CUL4B: variants seen among roughly 807,000 people sequenced by gnomAD.
CUL4B encodes cullin-4B.
CUL4B carries 1 observed loss-of-function variant against 69.2 expected under a neutral mutation model. The observed-to-expected ratio is 0.01, with a 90% confidence interval of 0.01 to 0.07. CUL4B has a LOEUF of 0.07. CUL4B is among the 10% of genes least tolerant of loss of function. CUL4B has a pLI of 1.00. For missense variants in CUL4B, 328 were observed against 638.8 expected (o/e 0.51, Z 5.24); for synonymous variants, 237 against 223.2 (o/e 1.06, Z -0.55).
At chrX:120,561,265 C>G (rs1318079531), upstream of CUL4B, 3 of 519,782 alleles carry the variant, frequency 5.8e-6, no homozygotes, top group Admixed American at 5.3e-5. Context: ...CTCCCGCTCC[C>G]CTTCGCGATC....
At chrX:120,561,051 G>A, upstream of CUL4B, 1 of 986,116 alleles carries the variant, frequency 1.0e-6, no homozygotes, top group Admixed American at 4.9e-5. Flanking sequence ...AAAGAACCAG[G>A]GCTTGTTATT....
chrX:120,537,436 A>C (rs190634692), intron 14 of CUL4B, among the ~76,000 whole-genome samples: 228 of 110,010 alleles, frequency 2.1e-3, no homozygotes, highest in African/African-American at 7.3e-3. Flanking sequence ...CCAAGTCTCC[A>C]GTTTTTCACT....
chrX:120,534,422 C>T, intron 17 of CUL4B, 59 bp downstream of exon 17: 1 of 780,827 alleles, frequency 1.3e-6, no homozygotes, highest in Non-Finnish European at 2.0e-6. Flanking sequence ...TAAATATGTC[C>T]CCCAGACCTC....
intron 2 of CUL4B, among the ~76,000 whole-genome samples, chrX:120,553,560 C>T (rs1602585620): frequency 9.0e-6 from 1 of 111,560 alleles, no homozygotes; most frequent in East Asian, 2.8e-4. Context: ...ATAAATGTTA[C>T]ACGCTCCTGT....
At chrX:120,534,290 C>T (rs1236783914) in intron 17 of CUL4B, among the ~76,000 whole-genome samples, 191 bp downstream of exon 17, 1 of 105,604 alleles carries the variant, frequency 9.5e-6, no homozygotes, top group Non-Finnish European at 1.9e-5. Context: ...AGGAGAATCA[C>T]TTGAGCCTGA....
chrX:120,549,413 G>A (rs954325409), intron 2 of CUL4B, among the ~76,000 whole-genome samples: 5 of 111,446 alleles, frequency 4.5e-5, no homozygotes, highest in African/African-American at 1.3e-4. Flanking sequence ...TTAGCCGGGT[G>A]TGGTGGTGTG....
At chrX:120,528,630 A>T (rs1192294589) in intron 19 of CUL4B, among the ~76,000 whole-genome samples, 3 of 110,313 alleles carry the variant, frequency 2.7e-5, no homozygotes, top group Non-Finnish European at 5.7e-5. Context: ...CTGAGGCAAA[A>T]GAATTGCTTG....
chrX:120,561,495 A>G, upstream of CUL4B: 11 of 207,172 alleles, frequency 5.3e-5, no homozygotes, highest in Admixed American at 2.8e-4. Flanking sequence ...GGATAGGAGG[A>G]GGGGGCGGGC....
chrX:120,544,418 G>T (rs1402135256), intron 6 of CUL4B, 63 bp downstream of exon 6: 57 of 1,121,725 alleles, frequency 5.1e-5, no homozygotes, highest in Non-Finnish European at 7.0e-5. Context: ...CCTGTCTGAT[G>T]TGGGGGGAAA....
intron 1 of CUL4B, 48 bp from the exon 2 acceptor site, chrX:120,558,087 G>C (rs748212974): frequency 1.3e-5 from 10 of 754,400 alleles, no homozygotes; most frequent in African/African-American, 2.1e-5. Flanking sequence ...GTCAGATACA[G>C]TAACCAAAGA....
At chrX:120,555,638 C>T (rs1924916531) in intron 2 of CUL4B, among the ~76,000 whole-genome samples, 1 of 110,321 alleles carries the variant, frequency 9.1e-6, no homozygotes, top group Non-Finnish European at 1.9e-5. Flanking sequence ...GACTCAGTCT[C>T]CTCATCAATA....
Position 120,526,822 on chromosome X carries a change from A to G in CUL4B, c.2627T>C (p.Ile876Thr). The G allele has an allele frequency of 8.4e-7, 1 of 1,196,158 alleles. No individual in the cohort carries two copies. The highest frequency in any genetic ancestry group is 1.1e-6 in the Non-Finnish European group (1 of 883,687). ...ADLKKRIESL[I>T]DRDYMERDKE... is the part of the protein sequence containing the mutation. ...ATCTCTTTCCATGTAGTCCCGGTCA[A>G]TTAAAGATTCTATTCTCTTCTTAAG... is the stretch of plus-strand genomic sequence containing the variant. The change falls in exon 20 of 20, where the codon ATT becomes ACT. Residue 876 changes from isoleucine to threonine, a missense_variant. Ile to Thr is a moderately conservative substitution (Grantham distance 89, BLOSUM62 -1). Around this residue, in one of 4 missense-constraint regions of CUL4B, gnomAD observed 98 missense variants for 296.8 expected, o/e 0.33. Transcript: ENST00000371322.
At chrX:120,560,046 T>C in intron 1 of CUL4B, 37 bp downstream of exon 1, 2 of 1,211,450 alleles carry the variant, frequency 1.7e-6, no homozygotes, top group Non-Finnish European at 2.2e-6. Context: ...GAGTGTCAAA[T>C]CCTTATTAGG....
chrX:120,553,240 G>C (rs1442727981), intron 2 of CUL4B, among the ~76,000 whole-genome samples: 1 of 111,314 alleles, frequency 9.0e-6, no homozygotes, highest in Non-Finnish European at 1.9e-5. Flanking sequence ...ACATCAACAG[G>C]GTGACAAAAG....
Position 120,527,715 on chromosome X carries a change from C to G in CUL4B, c.2593-859G>C, listed in dbSNP as rs192636960. Among the ~76,000 whole-genome samples the G allele has an allele frequency of 3.2e-3, 363 of 111,987 alleles. 1 individual carries two copies. The highest frequency in any genetic ancestry group is 0.011 in the African/African-American group (354 of 30,848). ...GCATGAAACAAAGTTTTGACTGCAA[C>G]CTGTCAAATGAGGTAAAGTGTGGAA... On this transcript the variant is annotated intron_variant, in intron 19 of 19. Transcript: ENST00000371322.
chrX:120,546,502 A>AT, intron 4 of CUL4B, 45 bp downstream of exon 4: 8 of 1,028,455 alleles, frequency 7.8e-6, no homozygotes, highest in Non-Finnish European at 1.1e-5. Flanking sequence ...GTTTTTAACT[A>AT]TTAATACAAT....
chrX:120,561,514 C>T (rs956802605), upstream of CUL4B: 8 of 337,558 alleles, frequency 2.4e-5, no homozygotes, highest in Non-Finnish European at 4.3e-5. Flanking sequence ...GCCTTCGAGA[C>T]ACCTTCGGAG....
upstream of CUL4B, among the ~76,000 whole-genome samples, chrX:120,565,821 G>T (rs1925489390): frequency 1.0e-5 from 1 of 99,738 alleles, no homozygotes. Context: ...CGCCTCCCGG[G>T]TTCATGCCAT....
At chrX:120,569,485 G>C (rs990045377), downstream of CUL4B, among the ~76,000 whole-genome samples, 2 of 108,286 alleles carry the variant, frequency 1.8e-5, no homozygotes, top group Non-Finnish European at 3.8e-5. Context: ...CTCAGCCTCC[G>C]GAGTAGCTGG....
Sources: gnomAD v4.1 joint callset for allele counts (sites outside exome capture counted in the v4.1 genomes callset) on GRCh38, gnomAD v4.1.1 for gene constraint, gnomAD v4.1.1 regional missense constraint, MANE v1.5 for transcripts, NCBI Gene and HGNC (gene_info 2026-07-23, HGNC 2026-07-21) for gene names.